Variants in FMN1 observed in about 807,000 individuals in gnomAD.
FMN1 encodes the protein formin-1.
FMN1 carries 110 observed loss-of-function variants against 132.4 expected under a neutral mutation model. The observed-to-expected ratio is 0.83, with a 90% CI of 0.71 to 0.97. The LOEUF (loss-of-function observed/expected upper bound fraction) is 0.97, where lower values mean the gene tolerates loss of function less well. FMN1 is among the 50% of genes least tolerant of loss of function. The pLI is 0.00. For missense variants in FMN1, 1,792 were observed against 1,705.3 expected (o/e 1.05, Z -0.90); for synonymous variants, 722 against 651.7 (o/e 1.11, Z -1.64).
intron 4 of FMN1, among the ~76,000 whole-genome samples, chr15:33,113,474 G>C (rs541426145): frequency 6.6e-6 from 1 of 151,864 alleles, no homozygotes. Context: ...GTGAACATAG[G>C]GTACGATATA....
intron 4 of FMN1, among the ~76,000 whole-genome samples, chr15:33,091,595 T>A (rs2038905079): frequency 6.6e-6 from 1 of 152,124 alleles, no homozygotes; most frequent in African/African-American, 2.4e-5. Context: ...ATAAGTAACA[T>A]AAAACCATTA....
intron 10 of FMN1, 113 bp downstream of exon 10, chr15:32,926,061 G>C (rs1303177378): frequency 1.5e-6 from 1 of 657,548 alleles, no homozygotes; most frequent in Non-Finnish European, 2.7e-6. Flanking sequence ...CTGAGTATTG[G>C]GTATATAGGA....
chr15:33,051,769 G>A lies in FMN1; in HGVS notation c.2161+13188C>T, dbSNP rs565351677. Among the ~76,000 whole-genome samples the A allele has an allele frequency of 5.3e-5, 8 of 152,270 alleles. No individual in the cohort carries two copies. The South Asian group carries it at 1.5e-3, about 28-fold the overall frequency. Reference sequence around the variant, plus strand: ...TACATGCAGCCCCTCCCAAGTGCTGGCAGGCCACTGCACATGCTGATAGCC... The same window carrying A: ...TACATGCAGCCCCTCCCAAGTGCTGACAGGCCACTGCACATGCTGATAGCC... On this transcript the variant is annotated intron_variant, in intron 6 of 20. Coordinates refer to ENST00000616417, the MANE Select transcript of FMN1 (RefSeq NM_001277313.2).
intron 5 of FMN1, among the ~76,000 whole-genome samples, chr15:33,071,726 A>T (rs1184191055): frequency 6.6e-6 from 1 of 152,244 alleles, no homozygotes; most frequent in Non-Finnish European, 1.5e-5. Context: ...GACTCTTTCA[A>T]GCCACTGGTT....
chr15:33,079,979 T>C (rs918375621), intron 5 of FMN1, among the ~76,000 whole-genome samples: 4 of 152,340 alleles, frequency 2.6e-5, no homozygotes, highest in African/African-American at 9.6e-5. Flanking sequence ...ACACATGATC[T>C]GTCTCTCATT....
At chr15:33,027,247 G>A (rs1353360988) in intron 6 of FMN1, among the ~76,000 whole-genome samples, 1 of 152,150 alleles carries the variant, frequency 6.6e-6, no homozygotes, top group East Asian at 1.9e-4. Flanking sequence ...GGAGATATGA[G>A]CTATACCTAT....
chr15:33,104,451 T>G (rs938408607), intron 4 of FMN1, among the ~76,000 whole-genome samples: 25 of 151,722 alleles, frequency 1.6e-4, no homozygotes, highest in African/African-American at 5.3e-4. Flanking sequence ...AAATGACAAT[T>G]ATATGTATTA....
rs1344395972 is a variant in FMN1 at position 33,119,582 on chromosome 15, C to A, written c.1868-30608G>T. Reference sequence around the variant, plus strand: ...TAATGATAAAACTTTCTGTAAAAAACCAGCACTATTCTTGAAGAGCTTGCT... The same window carrying A: ...TAATGATAAAACTTTCTGTAAAAAAACAGCACTATTCTTGAAGAGCTTGCT... On this transcript the variant is annotated intron_variant, in intron 4 of 20. Transcript: ENST00000616417. Among the ~76,000 whole-genome samples the A allele has an allele frequency of 2.6e-5, 4 of 152,306 alleles. No homozygotes were observed. The East Asian group carries it at 5.8e-4, about 22-fold the overall frequency.
In FMN1 at chr15:32,957,842, G is replaced by A. The variant is rs140861628; in HGVS notation, c.3138+6265C>T. Among the ~76,000 whole-genome samples the A allele has an allele frequency of 2.3e-3, 343 of 152,074 alleles. 2 individuals carry two copies. Among genetic ancestry groups the A allele is most frequent in the Non-Finnish European group, 3.8e-3 (258 of 67,964 alleles). On this transcript the variant is annotated intron_variant, in intron 9 of 20. Transcript: ENST00000616417. Reference sequence around the variant, plus strand: ...TTAAATGACTTTTTCTGAATGTTACGAAAGAAAAAAATAAGAGATAGTAGC... The same window carrying A: ...TTAAATGACTTTTTCTGAATGTTACAAAAGAAAAAAATAAGAGATAGTAGC...
intron 3 of FMN1, among the ~76,000 whole-genome samples, chr15:33,165,493 C>T (rs1965066078): frequency 1.3e-5 from 2 of 152,146 alleles, no homozygotes; most frequent in Admixed American, 6.5e-5. Context: ...CGGGTTCACG[C>T]CATTCTCTTG....
intron 9 of FMN1, among the ~76,000 whole-genome samples, chr15:32,934,373 T>C (rs1256095066): frequency 3.0e-4 from 46 of 152,228 alleles, no homozygotes; most frequent in Admixed American, 3.0e-3. Context: ...TTAAAAGTGA[T>C]TTATCCGCAT....
chr15:32,886,994 G>C (rs1047390203), intron 16 of FMN1, among the ~76,000 whole-genome samples: 4 of 149,634 alleles, frequency 2.7e-5, no homozygotes, highest in African/African-American at 1.0e-4. Context: ...CCACATCAAT[G>C]GGAGAAAAAA....
chr15:32,831,389 AT>A (rs1252720917), intron 17 of FMN1, among the ~76,000 whole-genome samples: 22 of 152,184 alleles, frequency 1.4e-4, no homozygotes, highest in African/African-American at 5.1e-4. Context: ...TGCTAATAAT[AT>A]AACGCACATA....
At chr15:32,993,911 G>C (rs1412578949) in intron 7 of FMN1, among the ~76,000 whole-genome samples, 7 of 140,366 alleles carry the variant, frequency 5.0e-5, no homozygotes, top group Non-Finnish European at 9.1e-5. Flanking sequence ...CGGGGGCGGG[G>C]TGGGGGGGGT....
At chr15:32,906,900 T>C (rs959120260) in intron 12 of FMN1, among the ~76,000 whole-genome samples, 15 of 152,150 alleles carry the variant, frequency 9.9e-5, no homozygotes, top group Non-Finnish European at 1.8e-4. Flanking sequence ...CCATGCTCCA[T>C]GTGAGAGCAA....
intron 6 of FMN1, among the ~76,000 whole-genome samples, chr15:33,011,917 T>G (rs1470956140): frequency 6.6e-6 from 1 of 152,196 alleles, no homozygotes; most frequent in Non-Finnish European, 1.5e-5. Flanking sequence ...AATGGAAACT[T>G]CCATACACTT....
intron 20 of FMN1, among the ~76,000 whole-genome samples, chr15:32,774,781 A>G (rs2056361774): frequency 9.1e-6 from 1 of 109,896 alleles, no homozygotes; most frequent in Non-Finnish European, 1.9e-5. Context: ...TCAACTTGGC[A>G]GAACTCAACA....
At chr15:33,119,559 A>G (rs1475227301) in intron 4 of FMN1, among the ~76,000 whole-genome samples, 2 of 152,200 alleles carry the variant, frequency 1.3e-5, no homozygotes, top group East Asian at 3.8e-4. Flanking sequence ...AGCCCTATTA[A>G]TGATAAAACT....
intron 4 of FMN1, among the ~76,000 whole-genome samples, chr15:33,134,242 C>G (rs1182796930): frequency 6.6e-6 from 1 of 152,146 alleles, no homozygotes. Context: ...AGCCACTACA[C>G]CCAGCCAATT....
Sources: gnomAD v4.1 joint callset for allele counts (sites outside exome capture counted in the v4.1 genomes callset) on GRCh38, gnomAD v4.1.1 for gene constraint, MANE v1.5 for transcripts, NCBI Gene and HGNC (gene_info 2026-07-23, HGNC 2026-07-21) for gene names.